IKZF2: variants seen among roughly 807,000 people sequenced by gnomAD.
The protein encoded by IKZF2 is zinc finger protein Helios.
Under a neutral mutation model 49.2 loss-of-function variants are expected in IKZF2, and 15 were observed. That is an observed-to-expected ratio of 0.30 (90% CI 0.20 to 0.47). The LOEUF is 0.47. Ranked by LOEUF, IKZF2 falls within the 20% of genes least tolerant of loss-of-function variation. IKZF2 has a pLI of 1.00. For missense variants in IKZF2, 567 were observed against 664.6 expected (o/e 0.85, Z 1.61); for synonymous variants, 227 against 221.4 (o/e 1.03, Z -0.23).
intron 4 of IKZF2, among the ~76,000 whole-genome samples, chr2:213,094,163 T>C (rs1009528754): frequency 1.3e-5 from 2 of 152,108 alleles, no homozygotes; most frequent in African/African-American, 4.8e-5. Context: ...AGTGAGTTGA[T>C]AAAAAGTTTG....
At position 213,148,604 on chromosome 2, in the gene IKZF2, T is replaced by A. The variant is rs1437233218; in HGVS notation, c.26A>T (p.Tyr9Phe). 2 of 1,611,056 alleles carry A rather than the reference T, an allele frequency of 1.2e-6. No homozygotes were observed. Among genetic ancestry groups the A allele is most frequent in the Non-Finnish European group, 1.7e-6 (2 of 1,177,448 alleles). The change falls in exon 3 of 9, where the codon TAT becomes TTT. Residue 9 changes from tyrosine (Y) to phenylalanine (F), a missense_variant. Transcript: ENST00000434687. Reference sequence around the variant, plus strand: ...TGAAAACTAATACTTACACGTTATATAGCCATCAATAGCCTCTGTTTCCAT... The same window carrying A: ...TGAAAACTAATACTTACACGTTATAAAGCCATCAATAGCCTCTGTTTCCAT... METEAIDGYITCDNELSPE... is the reference protein window; with the variant it reads METEAIDGFITCDNELSPE...
chr2:213,010,798 T>C (rs1695864805), intron 8 of IKZF2, among the ~76,000 whole-genome samples: 1 of 151,894 alleles, frequency 6.6e-6, no homozygotes, highest in African/African-American at 2.4e-5. Flanking sequence ...ACAGGAAATC[T>C]GAGAATTGCA....
In IKZF2 at chr2:213,007,927, C is replaced by T. The variant is rs906116866; in HGVS notation, c.1014G>A (p.Gln338=). Residue 338 remains glutamine (Q), a synonymous_variant, in exon 9 of 9, where the codon CAG becomes CAA. Transcript: ENST00000434687. ...LGAEALHPLM[Q]HPPSTIAEVA... ...CTTCAGCGATTGTGCTTGGCGGGTG[C>T]TGCATCAGAGGGTGAAGGGCCTCAG... 2.4e-5 allele frequency: 39 copies of T among 1,613,410 alleles called. No individual in the cohort carries two copies. The highest frequency in any genetic ancestry group is 3.3e-5 in the Non-Finnish European group (39 of 1,179,714).
chr2:213,079,768 TC>T, intron 4 of IKZF2, among the ~76,000 whole-genome samples: 1 of 152,274 alleles, frequency 6.6e-6, no homozygotes. Context: ...AGCAGCAACT[TC>T]CATTTTTCCC....
At chr2:213,043,771 G>A (rs921045616) in intron 6 of IKZF2, among the ~76,000 whole-genome samples, 7 of 152,162 alleles carry the variant, frequency 4.6e-5, no homozygotes, top group African/African-American at 1.7e-4. Context: ...GATCTGACAG[G>A]AAGAGGAGCT....
intron 4 of IKZF2, among the ~76,000 whole-genome samples, chr2:213,061,805 G>A (rs1315002053): frequency 6.6e-6 from 1 of 151,294 alleles, no homozygotes; most frequent in Non-Finnish European, 1.5e-5. Context: ...CTCCAAAAAT[G>A]GCCATAAAAG....
intron 4 of IKZF2, among the ~76,000 whole-genome samples, chr2:213,067,641 G>A (rs1393912110): frequency 6.6e-6 from 1 of 152,082 alleles, no homozygotes; most frequent in African/African-American, 2.4e-5. Context: ...GAACTCTTAA[G>A]AAATCATTCA....
intron 4 of IKZF2, among the ~76,000 whole-genome samples, chr2:213,110,146 A>T (rs1319515260): frequency 6.6e-6 from 1 of 152,020 alleles, no homozygotes. Flanking sequence ...TTTTCTCAAA[A>T]AAACTAATAT....
chr2:213,091,167 A>C (rs894116), intron 4 of IKZF2, among the ~76,000 whole-genome samples: 151,981 of 152,186 alleles, frequency 1, 75,888 homozygotes, highest in Middle Eastern at 1. Flanking sequence ...ACAATGAACC[A>C]ATTAAAATTG....
intron 5 of IKZF2, among the ~76,000 whole-genome samples, chr2:213,055,886 C>G (rs544168776): frequency 1.3e-5 from 2 of 151,932 alleles, no homozygotes; most frequent in African/African-American, 4.8e-5. Flanking sequence ...TATATTTCTT[C>G]CAAAAAAGTA....
At chr2:213,102,972 TG>T (rs1221506759) in intron 4 of IKZF2, among the ~76,000 whole-genome samples, 1 of 152,108 alleles carries the variant, frequency 6.6e-6, no homozygotes, top group African/African-American at 2.4e-5. Context: ...TAAGATGGCA[TG>T]GACCCAAGGA....
upstream of IKZF2, among the ~76,000 whole-genome samples, chr2:213,151,795 TGC>T (rs958919466): frequency 6.8e-6 from 1 of 147,166 alleles, no homozygotes; most frequent in African/African-American, 2.5e-5. Flanking sequence ...CGGACGTGCG[TGC>T]GCGCGCGTGC....
intron 6 of IKZF2, among the ~76,000 whole-genome samples, chr2:213,038,936 A>G (rs1409437486): frequency 1.3e-5 from 2 of 152,162 alleles, no homozygotes; most frequent in East Asian, 3.8e-4. Flanking sequence ...TAGAGCAACT[A>G]ACATTATGTT....
At chr2:213,039,564 A>G (rs1699407774) in intron 6 of IKZF2, among the ~76,000 whole-genome samples, 1 of 152,058 alleles carries the variant, frequency 6.6e-6, no homozygotes, top group Non-Finnish European at 1.5e-5. Context: ...CAACATTCCT[A>G]AAGTGTTTGG....
At chr2:213,018,490 T>G (rs1220393784) in intron 7 of IKZF2, among the ~76,000 whole-genome samples, 1 of 152,154 alleles carries the variant, frequency 6.6e-6, no homozygotes, top group Non-Finnish European at 1.5e-5. Flanking sequence ...CTTTTTCTTT[T>G]TGGCATTGTC....
At chr2:213,088,252 G>C (rs1383947349) in intron 4 of IKZF2, among the ~76,000 whole-genome samples, 1 of 152,072 alleles carries the variant, frequency 6.6e-6, no homozygotes. Context: ...TTCTCTGATG[G>C]CCAGTGATGA....
rs1249497512 is a variant in IKZF2 at position 213,020,460 on chromosome 2, C to G, written c.712+1533G>C. Among the ~76,000 whole-genome samples the G allele has an allele frequency of 1.3e-5, 2 of 152,024 alleles. 1 individual carries two copies. Among genetic ancestry groups the G allele is most frequent in the Admixed American group, 1.3e-4 (2 of 15,240 alleles). ...AAGTAGCCAGAGCAGGTTTGGCAGA[C>G]TCCGAGACGCACCATTTTGTAATCT... is the stretch of plus-strand genomic sequence containing the variant. On this transcript the variant is annotated intron_variant, in intron 7 of 8. Transcript: ENST00000434687.
At chr2:213,135,391 A>G (rs934981202) in intron 4 of IKZF2, among the ~76,000 whole-genome samples, 22 of 152,192 alleles carry the variant, frequency 1.4e-4, no homozygotes, top group Non-Finnish European at 2.2e-4. Flanking sequence ...TGGAAATGCC[A>G]CTGTAAACAA....
intron 4 of IKZF2, among the ~76,000 whole-genome samples, chr2:213,070,711 G>C (rs1009243767): frequency 2.0e-4 from 30 of 152,240 alleles, no homozygotes; most frequent in African/African-American, 7.2e-4. Context: ...GGACAGTACA[G>C]AACGCCACAT....
Sources: allele counts gnomAD v4.1 joint callset (sites outside exome capture counted in the v4.1 genomes callset), GRCh38; gene constraint gnomAD v4.1.1; transcripts MANE v1.5; gene names NCBI Gene and HGNC (gene_info 2026-07-23, HGNC 2026-07-21).